The following ZBTB20 variants were observed in gnomAD, a reference collection of about 807,000 sequenced individuals.
ZBTB20 encodes the protein zinc finger and BTB domain-containing protein 20.
A neutral mutation model predicts 56.9 loss-of-function variants in ZBTB20; 9 were observed. The observed-to-expected ratio is 0.16, with a 90% CI of 0.10 to 0.28. ZBTB20 has a LOEUF of 0.28. ZBTB20 is among the 10% of genes least tolerant of loss of function. The pLI, the probability that ZBTB20 is intolerant of heterozygous loss-of-function variation, is 1.00. For missense variants in ZBTB20, 655 were observed against 1,003.0 expected, an observed-to-expected ratio of 0.65 and a Z score of 4.69; for synonymous variants, 417 against 420.7, an observed-to-expected ratio of 0.99 and a Z score of 0.11.
chr3:115,124,357 ACAT>A (rs1200529808), intron 1 of ZBTB20, among the ~76,000 whole-genome samples: 1 of 152,172 alleles, frequency 6.6e-6, no homozygotes, highest in East Asian at 1.9e-4. Context: ...CCACAGGTTG[ACAT>A]CATCAACAAA....
chr3:114,684,184 C>T (rs139057787), intron 6 of ZBTB20, among the ~76,000 whole-genome samples: 1 of 152,280 alleles, frequency 6.6e-6, no homozygotes, highest in East Asian at 1.9e-4. Flanking sequence ...TTCTGAAAAT[C>T]CTGACACTCA....
intron 6 of ZBTB20, among the ~76,000 whole-genome samples, chr3:114,546,381 A>G (rs1332377896): frequency 6.6e-6 from 1 of 152,092 alleles, no homozygotes; most frequent in Non-Finnish European, 1.5e-5. Flanking sequence ...TGGCCAGGCA[A>G]CATAGGTCCT....
chr3:114,565,027 C>A (rs2052551473), intron 6 of ZBTB20, among the ~76,000 whole-genome samples: 1 of 152,166 alleles, frequency 6.6e-6, no homozygotes, highest in Admixed American at 6.5e-5. Context: ...AACATTTAAG[C>A]CTCATCAGCA....
intron 10 of ZBTB20, among the ~76,000 whole-genome samples, chr3:114,378,338 C>T (rs114175744): frequency 0.015 from 2,310 of 152,308 alleles, 27 homozygotes; most frequent in South Asian, 0.067. Flanking sequence ...ACTTACACAT[C>T]TTAATGGCAA....
intron 6 of ZBTB20, among the ~76,000 whole-genome samples, chr3:114,681,453 G>A (rs2061970565): frequency 6.6e-6 from 1 of 152,262 alleles, no homozygotes. Flanking sequence ...GAGCCACCAC[G>A]CCCAGCCTGT....
chr3:114,708,076 ATTTG>A (rs2063826264), intron 5 of ZBTB20, among the ~76,000 whole-genome samples: 1 of 152,112 alleles, frequency 6.6e-6, no homozygotes, highest in South Asian at 2.1e-4. Flanking sequence ...TCTTTTTGTT[ATTTG>A]TTTGTTATCC....
At chr3:114,619,757 G>C (rs1268649579) in intron 6 of ZBTB20, among the ~76,000 whole-genome samples, 2 of 152,162 alleles carry the variant, frequency 1.3e-5, no homozygotes, top group Non-Finnish European at 2.9e-5. Flanking sequence ...GCTATTTTCA[G>C]CTATTATTTA....
intron 5 of ZBTB20, among the ~76,000 whole-genome samples, chr3:114,698,747 A>G (rs2063212047): frequency 6.6e-6 from 1 of 152,196 alleles, no homozygotes; most frequent in Admixed American, 6.6e-5. Flanking sequence ...CTAGTCATCC[A>G]GTTGTCTTCT....
chr3:114,655,408 G>A (rs1486990812), intron 6 of ZBTB20, among the ~76,000 whole-genome samples: 2 of 150,096 alleles, frequency 1.3e-5, no homozygotes, highest in Non-Finnish European at 3.0e-5. Context: ...GCCCGCCACC[G>A]CGCCCGGCTA....
intron 4 of ZBTB20, among the ~76,000 whole-genome samples, chr3:114,820,627 G>GA (rs2073185550): frequency 3.3e-5 from 5 of 151,872 alleles, no homozygotes; most frequent in Admixed American, 2.0e-4. Flanking sequence ...TCACTTAAGG[G>GA]AAAAAAATCA....
intron 6 of ZBTB20, among the ~76,000 whole-genome samples, chr3:114,600,900 T>C (rs2056709462): frequency 6.6e-6 from 1 of 151,972 alleles, no homozygotes; most frequent in Non-Finnish European, 1.5e-5. Context: ...AACAACCTGC[T>C]GCATTTTGTT....
At position 114,351,781 on chromosome 3, in the gene ZBTB20, G is replaced by A. The variant is rs753167217; in HGVS notation, c.297C>T (p.Asn99=). The change falls in exon 11 of 12, where the codon AAC becomes AAT. Residue 99 remains asparagine (N), a synonymous_variant. Coordinates refer to ENST00000675478, the MANE Select transcript of ZBTB20 (RefSeq NM_001348800.3). The part of the protein sequence containing the change: ...SVLETLNEQR[N]RGHFCDVTVR... ...CCGTTACGTCACAGAAGTGGCCACG[G>A]TTGCGCTGCTCGTTGAGGGTCTCGA... is the stretch of plus-strand genomic sequence containing the variant. 1.2e-6 allele frequency: 2 copies of A among 1,611,354 alleles called. No individual in the cohort carries two copies. Among genetic ancestry groups the A allele is most frequent in the South Asian group, 1.1e-5 (1 of 91,064 alleles).
At chr3:114,526,908 C>T (rs1333251276) in intron 6 of ZBTB20, among the ~76,000 whole-genome samples, 2 of 152,206 alleles carry the variant, frequency 1.3e-5, no homozygotes, top group South Asian at 2.1e-4. Context: ...TATGCCTGCT[C>T]TCCAGCTCCC....
At chr3:114,821,792 T>A (rs2073262822) in intron 4 of ZBTB20, among the ~76,000 whole-genome samples, 1 of 152,088 alleles carries the variant, frequency 6.6e-6, no homozygotes, top group East Asian at 1.9e-4. Context: ...AAATTTAATG[T>A]CAGAAATAAA....
intron 4 of ZBTB20, among the ~76,000 whole-genome samples, chr3:114,874,991 C>T (rs1349912569): frequency 6.6e-6 from 1 of 152,126 alleles, no homozygotes; most frequent in Non-Finnish European, 1.5e-5. Context: ...AAACTACAAT[C>T]TTTCATGTGC....
chr3:114,843,575 C>T (rs1391030704), intron 4 of ZBTB20, among the ~76,000 whole-genome samples: 1 of 152,122 alleles, frequency 6.6e-6, no homozygotes, highest in Non-Finnish European at 1.5e-5. Context: ...CACTATGTTG[C>T]CCAGGTTGGC....
intron 4 of ZBTB20, among the ~76,000 whole-genome samples, chr3:114,834,569 G>T (rs544470400): frequency 6.6e-6 from 1 of 152,024 alleles, no homozygotes; most frequent in Non-Finnish European, 1.5e-5. Flanking sequence ...CATTGCTTTG[G>T]TGCTAAAATA....
At chr3:115,122,085 C>T (rs1016294542) in intron 1 of ZBTB20, among the ~76,000 whole-genome samples, 3 of 151,950 alleles carry the variant, frequency 2.0e-5, no homozygotes, top group Admixed American at 6.6e-5. Context: ...TAGCCAGAGA[C>T]TATGAGAAGC....
chr3:114,957,577 G>A (rs1055009868), intron 3 of ZBTB20, among the ~76,000 whole-genome samples: 1 of 152,168 alleles, frequency 6.6e-6, no homozygotes, highest in South Asian at 2.1e-4. Flanking sequence ...TATTGGCTTT[G>A]TGACTGGGCA....
Sources: gnomAD v4.1 joint callset for allele counts (sites outside exome capture counted in the v4.1 genomes callset) on GRCh38, gnomAD v4.1.1 for gene constraint, MANE v1.5 for transcripts, NCBI Gene and HGNC (gene_info 2026-07-23, HGNC 2026-07-21) for gene names.